The following APBB1 variants were observed in gnomAD, a reference collection of about 807,000 sequenced individuals.
The protein encoded by APBB1 is adaptor protein FE65a2.
Under a neutral mutation model 78.4 loss-of-function variants are expected in APBB1, and 22 were observed. The ratio of observed to expected loss-of-function variants is 0.28; its 90% CI spans 0.20 to 0.40. APBB1 has a LOEUF of 0.40. Ranked by LOEUF, APBB1 falls within the 10% of genes least tolerant of loss-of-function variation. APBB1 has a pLI of 1.00. For synonymous variants in APBB1, 369 were observed against 372.7 expected (o/e 0.99, Z 0.12); for missense variants, 749 against 932.4 (o/e 0.80, Z 2.56).
At chr11:6,404,724 C>A (rs1465668250) in intron 2 of APBB1, 26 of 1,536,156 alleles carry the variant, frequency 1.7e-5, no homozygotes, top group Non-Finnish European at 2.3e-5. Context: ...ACATGAGGCC[C>A]AACCTCATGC....
chr11:6,403,155 G>C lies in APBB1; in HGVS notation c.1094C>G (p.Pro365Arg), dbSNP rs1379656127. 6.2e-7 allele frequency: 1 copy of C among 1,612,402 alleles called. No individual in the cohort carries two copies. The highest frequency in any genetic ancestry group is 8.5e-7 in the Non-Finnish European group (1 of 1,179,252). The change falls in exon 6 of 15, where the codon CCA becomes CGA. Residue 365 changes from proline to arginine, a missense_variant. Pro to Arg is a moderately radical substitution (Grantham distance 103, BLOSUM62 -2). Coordinates refer to ENST00000609360, the MANE Select transcript of APBB1 (RefSeq NM_001164.5). The surrounding 1 kb of genome is among the most constrained non-coding windows in gnomAD (Gnocchi z 5.3). ...CAGTCTTGAACAAACCTTGATCCCT[G>C]GGTTGGTATTCCGTGGGGGAAGCTT... ...EEKLPPRNTNPGIKCFAVRSL... is the reference protein window; with the variant it reads ...EEKLPPRNTNRGIKCFAVRSL...
In APBB1 at chr11:6,395,706, G is replaced by A. The variant is rs756906341; in HGVS notation, c.1966-5C>T. The A allele has an allele frequency of 9.4e-6, 15 of 1,588,252 alleles. No individual in the cohort carries two copies. The highest frequency in any genetic ancestry group is 6.7e-5 in the African/African-American group (5 of 74,280). ...CAGACACTTCTGGTAGCGAAGCTGC[G>A]GAGGCAAGCAGGGCAGTCACTCCCC... is the stretch of plus-strand genomic sequence containing the variant. On this transcript the variant is annotated splice_polypyrimidine_tract_variant and splice_region_variant and intron_variant, in intron 14 of 14. Coordinates refer to ENST00000609360, the MANE Select transcript of APBB1 (RefSeq NM_001164.5). The surrounding 1 kb of genome is among the most constrained non-coding windows in gnomAD (Gnocchi z 5.2).
Position 6,395,421 on chromosome 11 carries a change from G to T in APBB1, c.*113C>A. The T allele has an allele frequency of 1.7e-6, 2 of 1,181,608 alleles. No individual in the cohort carries two copies. The highest frequency in any genetic ancestry group is 2.3e-6 in the Non-Finnish European group (2 of 877,478). 73.2% of individuals were successfully genotyped at this position (1,181,608 alleles called of 1,614,324 possible). On this transcript the variant is annotated 3_prime_UTR_variant, in exon 15 of 15. Coordinates refer to ENST00000609360, the MANE Select transcript of APBB1 (RefSeq NM_001164.5). This position sits in a 1 kb window ranked among gnomAD's most constrained non-coding sequence, Gnocchi z 5.2. ...CAGGGAACCGTAGCTACTGGGGAGG[G>T]GCATATTTGGGAGGCCTGAGGCCTA...
rs1312395025 is a variant in APBB1 at position 6,418,863 on chromosome 11, G to A, written c.-15+122C>T. ...GCGCGCGGTGGAAGGGCGACCCGGG[G>A]ATGGGGGATGGGGCCGGCCGGGGGA... On this transcript the variant is annotated intron_variant, in intron 1 of 14. Coordinates refer to ENST00000609360, the MANE Select transcript of APBB1 (RefSeq NM_001164.5). The A allele has an allele frequency of 3.3e-5, 12 of 364,156 alleles. No individual in the cohort carries two copies. In the East Asian group the frequency reaches 4.4e-4, roughly 13 times the overall value. 22.6% of individuals were successfully genotyped at this position (364,156 alleles called of 1,614,324 possible).
At chr11:6,396,552 C>T (rs888000642) in intron 12 of APBB1, 1 of 298,312 alleles carries the variant, frequency 3.4e-6, no homozygotes, top group African/African-American at 2.3e-5. Flanking sequence ...ACTCAGACAT[C>T]ACATTGCTTC....
chr11:6,407,781 T>A (rs1455641941), intron 2 of APBB1, among the ~76,000 whole-genome samples: 3 of 151,308 alleles, frequency 2.0e-5, no homozygotes, highest in Non-Finnish European at 1.5e-5. Context: ...GTATTTTTTT[T>A]TTTTTTTTTG....
Position 6,411,163 on chromosome 11 carries a change from G to C in APBB1, c.185C>G (p.Pro62Arg), listed in dbSNP as rs200718102. Residue 62 changes from proline (P) to arginine (R), a missense_variant, in exon 2 of 15, where the codon CCA (proline) becomes CGA (arginine). Physicochemically the swap from Pro to Arg is moderately radical, Grantham distance 103 (BLOSUM62 -2). This residue lies in a region of APBB1 where 635 missense variants were observed against 765.0 expected (regional missense o/e 0.83). Coordinates refer to ENST00000609360, the MANE Select transcript of APBB1 (RefSeq NM_001164.5). This position sits in a 1 kb window ranked among gnomAD's most constrained non-coding sequence, Gnocchi z 5.2. ...TAGCCACTTGGCATTGGCAGGGCCT[G>C]GCTCAGGCCCACCACCCTCCCCCAT... ...SAMGEGGGPE[P>R]GPANAKWLKE... is the part of the protein sequence containing the mutation. The C allele has an allele frequency of 1.2e-6, 2 of 1,608,950 alleles. No individual in the cohort carries two copies. The highest frequency in any genetic ancestry group is 4.5e-5 in the East Asian group (2 of 44,862).
chr11:6,413,264 C>T (rs58362853), intron 1 of APBB1, among the ~76,000 whole-genome samples: 27,470 of 152,124 alleles, frequency 0.18, 2,619 homozygotes, highest in Middle Eastern at 0.22. Context: ...TTGCCCTACC[C>T]GACCCTTCCC....
At chr11:6,402,927 G>C (rs1590774031) in intron 6 of APBB1, 2 of 800,396 alleles carry the variant, frequency 2.5e-6, no homozygotes, top group African/African-American at 3.5e-5. Flanking sequence ...AAAAGCACCT[G>C]AACTAAGACT....
In APBB1 at chr11:6,401,579, A is replaced by G; in HGVS notation, c.1498T>C (p.Ser500Pro). The G allele has an allele frequency of 1.2e-6, 2 of 1,614,156 alleles. No homozygotes were observed. Among genetic ancestry groups the G allele is most frequent in the Non-Finnish European group, 1.7e-6 (2 of 1,180,028 alleles). Residue 500 changes from serine (S) to proline (P), a missense_variant, in exon 10 of 15, where the codon TCT (serine) becomes CCT (proline). By Grantham distance (74) the Ser-to-Pro change is moderately conservative. Transcript: ENST00000609360. This position sits in a 1 kb window ranked among gnomAD's most constrained non-coding sequence, Gnocchi z 4.5. ...GGGAGTGGAGGGGGCCGTGCCTTAG[A>G]GCAGATCTCATGCAGGCTGGTGGCG... ...NIATSLHEIC[S>P]KIMAERRNAR... is the part of the protein sequence containing the mutation.
At chr11:6,402,553 C>T (rs756758611) in intron 7 of APBB1, 23 bp downstream of exon 7, 1 of 1,611,730 alleles carries the variant, frequency 6.2e-7, no homozygotes, top group South Asian at 1.1e-5. Context: ...GTACCACCCC[C>T]TACCCCCGGC....
At position 6,411,029 on chromosome 11, in the gene APBB1, G is replaced by T. The variant is rs745357819; in HGVS notation, c.319C>A (p.Pro107Thr). ...EEASQEPEMA[P>T]LGPKGLIHLY... is the part of the protein sequence containing the mutation. ...TGTATCAGGCCTTTGGGGCCCAAGG[G>T]TGCCATCTCAGGCTCCTGGCTGGCC... is the stretch of plus-strand genomic sequence containing the variant. The change falls in exon 2 of 15, where the codon CCC becomes ACC. Residue 107 changes from proline to threonine, a missense_variant. This residue lies in a region of APBB1 where 635 missense variants were observed against 765.0 expected (regional missense o/e 0.83). Transcript: ENST00000609360. This position sits in a 1 kb window ranked among gnomAD's most constrained non-coding sequence, Gnocchi z 5.2. 4.7e-5 allele frequency: 76 copies of T among 1,613,998 alleles called. No individual in the cohort carries two copies. The highest frequency in any genetic ancestry group is 6.4e-5 in the Non-Finnish European group (76 of 1,180,050).
chr11:6,402,286 G>T, intron 7 of APBB1, 77 bp from the exon 8 acceptor site: 2 of 1,574,560 alleles, frequency 1.3e-6, no homozygotes, highest in Non-Finnish European at 1.7e-6. Flanking sequence ...CAGCTCAGGG[G>T]ATGTTAGCCA....
Position 6,396,167 on chromosome 11 carries a change from C to T in APBB1, c.1721G>A (p.Ser574Asn). The T allele has an allele frequency of 2.6e-6, 4 of 1,551,974 alleles. No homozygotes were observed. The highest frequency in any genetic ancestry group is 3.5e-6 in the Non-Finnish European group (4 of 1,147,294). ...ATGACTTGGGGTCCATTGTTCACGG[C>T]TGCTGGAGGACAGGACTGACTCGAG... The part of the protein sequence containing the change: ...GALESVLSSS[S>N]REQWTPSHVS... Residue 574 changes from serine (S) to asparagine (N), a missense_variant, in exon 13 of 15, where the codon AGC becomes AAC. Physicochemically the swap from Ser to Asn is conservative, Grantham distance 46. Transcript: ENST00000609360.
rs371824310 is a variant in APBB1, at chr11:6,402,716, C to G, written c.1114G>C (p.Val372Leu). The G allele has an allele frequency of 6.2e-7, 1 of 1,614,074 alleles. No individual in the cohort carries two copies. The highest frequency in any genetic ancestry group is 8.5e-7 in the Non-Finnish European group (1 of 1,179,986). Residue 372 changes from valine (V) to leucine (L), a missense_variant, in exon 7 of 15, where the codon GTG becomes CTG. Val to Leu is a conservative substitution (Grantham distance 32). This residue lies in a region of APBB1 where 635 missense variants were observed against 765.0 expected (regional missense o/e 0.83). Coordinates refer to ENST00000609360, the MANE Select transcript of APBB1 (RefSeq NM_001164.5). ...NTNPGIKCFA[V>L]RSLGWVEMTE... ...ATCTCTACCCAGCCTAGGGAGCGCA[C>G]GGCGAAACACTGCCAGACACAGAAG...
At chr11:6,397,561 G>A (rs1848295527) in intron 12 of APBB1, among the ~76,000 whole-genome samples, 1 of 152,246 alleles carries the variant, frequency 6.6e-6, no homozygotes, top group African/African-American at 2.4e-5. Flanking sequence ...AAAAGCCTCT[G>A]TCTTGAGTGC....
chr11:6,406,843 C>A (rs1473298193), intron 2 of APBB1, among the ~76,000 whole-genome samples: 2 of 152,206 alleles, frequency 1.3e-5, no homozygotes, highest in African/African-American at 4.8e-5. Context: ...ACTTCCCCAG[C>A]CCCAGAGAGC....
intron 12 of APBB1, 57 bp from the exon 13 acceptor site, chr11:6,396,272 A>C (rs1003365119): frequency 7.0e-7 from 1 of 1,429,206 alleles, no homozygotes; most frequent in Non-Finnish European, 9.5e-7. Flanking sequence ...CCCCAGCTCT[A>C]CCCTGGACCT....
Position 6,403,989 on chromosome 11 carries a change from TGTGGGGCCACCAGTAGGGGACATGGC to T in APBB1, c.722-193_722-168del. The stretch of plus-strand genomic sequence containing the variant: ...GAGCCTATAGTCTGGAGTCACCACA[TGTGGGGCCACCAGTAGGGGACATGGC>T]TCAGGTCTCCTCCTGGGCCCTGTTG... On this transcript the variant is annotated intron_variant, in intron 2 of 14. Coordinates refer to ENST00000609360, the MANE Select transcript of APBB1 (RefSeq NM_001164.5). This position sits in a 1 kb window ranked among gnomAD's most constrained non-coding sequence, Gnocchi z 5.3. 1.5e-6 allele frequency: 1 copy of T among 662,166 alleles called. No homozygotes were observed. The highest frequency in any genetic ancestry group is 2.3e-6 in the Non-Finnish European group (1 of 428,230). The allele number at this position is 662,166 out of a possible 1,614,324, so 41.0% of individuals were successfully genotyped here.
Sources: gnomAD v4.1 joint callset for allele counts (sites outside exome capture counted in the v4.1 genomes callset) on GRCh38, gnomAD v4.1.1 for gene constraint, gnomAD v4.1.1 regional missense constraint, Gnocchi (gnomAD v3.1) non-coding constraint, MANE v1.5 for transcripts, NCBI Gene and HGNC (gene_info 2026-07-23, HGNC 2026-07-21) for gene names.